Variants in ZBTB20 observed in about 807,000 individuals in gnomAD.
ZBTB20 encodes zinc finger and BTB domain-containing protein 20.
Under a neutral mutation model 56.9 loss-of-function variants are expected in ZBTB20, and 9 were observed. That is an observed-to-expected ratio of 0.16 (90% CI 0.10 to 0.28). The LOEUF (loss-of-function observed/expected upper bound fraction) is 0.28. Among genes scored for constraint, ZBTB20 ranks in the 10% least tolerant of loss-of-function variants. ZBTB20 has a pLI of 1.00. For missense variants in ZBTB20, 655 were observed against 1,003.0 expected, an observed-to-expected ratio of 0.65 and a Z score of 4.69; for synonymous variants, 417 against 420.7, an observed-to-expected ratio of 0.99 and a Z score of 0.11.
intron 3 of ZBTB20, among the ~76,000 whole-genome samples, chr3:114,908,796 T>C (rs1349706982): frequency 1.3e-5 from 2 of 152,016 alleles, no homozygotes; most frequent in African/African-American, 4.8e-5. Flanking sequence ...AAATTGTCAT[T>C]AAAATTAATA....
chr3:114,835,232 C>G (rs903409123), intron 4 of ZBTB20, among the ~76,000 whole-genome samples: 4 of 152,068 alleles, frequency 2.6e-5, no homozygotes, highest in African/African-American at 9.7e-5. Flanking sequence ...GTTCTTTTTC[C>G]CTCAAAATAA....
intron 2 of ZBTB20, among the ~76,000 whole-genome samples, chr3:115,032,957 C>CAAAAAAAAA (rs2080756270): frequency 1.8e-5 from 1 of 54,478 alleles, no homozygotes; most frequent in Non-Finnish European, 3.6e-5. Context: ...ACCTAAGGAA[C>CAAAAAAAAA]TAAAAAAAAA....
At chr3:114,904,797 T>C (rs1236619027) in intron 3 of ZBTB20, among the ~76,000 whole-genome samples, 1 of 151,904 alleles carries the variant, frequency 6.6e-6, no homozygotes, top group African/African-American at 2.4e-5. Flanking sequence ...CAGTTATCTA[T>C]TAATCAACAC....
intron 2 of ZBTB20, among the ~76,000 whole-genome samples, chr3:115,020,512 C>T (rs955485794): frequency 2.6e-5 from 4 of 151,114 alleles, no homozygotes; most frequent in African/African-American, 9.7e-5. Context: ...ATGGCAGCTA[C>T]AGTTTTTAAC....
At chr3:115,084,729 A>G (rs1330333919) in intron 1 of ZBTB20, among the ~76,000 whole-genome samples, 1 of 151,992 alleles carries the variant, frequency 6.6e-6, no homozygotes, top group Admixed American at 6.6e-5. Context: ...TGCTGCAGAA[A>G]GCGTCCCAAG....
At chr3:115,030,084 C>T (rs765104659) in intron 2 of ZBTB20, among the ~76,000 whole-genome samples, 17 of 150,916 alleles carry the variant, frequency 1.1e-4, no homozygotes, top group East Asian at 3.9e-4. Context: ...TAGTGTTAAA[C>T]GGAGAAATTG....
At chr3:114,363,914 G>A (rs1202234724) in intron 10 of ZBTB20, among the ~76,000 whole-genome samples, 1 of 152,084 alleles carries the variant, frequency 6.6e-6, no homozygotes, top group Non-Finnish European at 1.5e-5. Flanking sequence ...TATATACATC[G>A]CTGATGAGGT....
chr3:114,894,602 T>C (rs2074792054), intron 4 of ZBTB20, among the ~76,000 whole-genome samples: 1 of 152,126 alleles, frequency 6.6e-6, no homozygotes, highest in Admixed American at 6.5e-5. Context: ...GATGTCCTTA[T>C]AAAAGCAGAG....
chr3:114,771,458 C>T (rs961918332), intron 5 of ZBTB20, among the ~76,000 whole-genome samples: 2 of 152,106 alleles, frequency 1.3e-5, no homozygotes, highest in East Asian at 3.8e-4. Flanking sequence ...TTGTCCTTAT[C>T]TTTCCTGTTT....
At chr3:115,029,669 T>C (rs892257885) in intron 2 of ZBTB20, among the ~76,000 whole-genome samples, 5 of 150,828 alleles carry the variant, frequency 3.3e-5, no homozygotes, top group Non-Finnish European at 7.4e-5. Context: ...TTGATGGTGC[T>C]GAGACAACTG....
chr3:114,698,756 C>T (rs1433872498), intron 5 of ZBTB20, among the ~76,000 whole-genome samples: 1 of 152,176 alleles, frequency 6.6e-6, no homozygotes, highest in African/African-American at 2.4e-5. Context: ...CAGTTGTCTT[C>T]TCTTTTCAGC....
chr3:114,687,864 G>C (rs894110342), intron 6 of ZBTB20: 2 of 152,094 alleles, frequency 1.3e-5, no homozygotes, highest in Non-Finnish European at 2.9e-5. Flanking sequence ...GATCTCCAAA[G>C]TTCTTAAAAG....
chr3:114,477,971 C>CTG (rs1403628525), intron 7 of ZBTB20, among the ~76,000 whole-genome samples: 10 of 127,578 alleles, frequency 7.8e-5, no homozygotes, highest in African/African-American at 2.8e-4. Flanking sequence ...CCCTCTCTCT[C>CTG]TCTCTCTCTC....
chr3:114,865,366 T>C (rs2075723227), intron 4 of ZBTB20, among the ~76,000 whole-genome samples: 1 of 152,162 alleles, frequency 6.6e-6, no homozygotes, highest in Non-Finnish European at 1.5e-5. Context: ...CCACATACAG[T>C]ATTCTGAAAT....
In ZBTB20 at chr3:114,316,913, A is replaced by T. The variant is rs1386695478; in HGVS notation, c.*22092T>A. The T allele has an allele frequency of 4.9e-6, 1 of 205,228 alleles. No individual in the cohort carries two copies. Among genetic ancestry groups the T allele is most frequent in the Non-Finnish European group, 1.0e-5 (1 of 99,960 alleles). 12.7% of individuals were successfully genotyped at this position (205,228 alleles called of 1,614,324 possible). Reference sequence around the variant, plus strand: ...AGAAGGTAGAGATAGAAAAGGAAGAAGGAAGGAAAGCTCAGATGAGGAAGA... The same window carrying T: ...AGAAGGTAGAGATAGAAAAGGAAGATGGAAGGAAAGCTCAGATGAGGAAGA... On this transcript the variant is annotated 3_prime_UTR_variant, in exon 12 of 12. Transcript: ENST00000675478.
intron 4 of ZBTB20, among the ~76,000 whole-genome samples, chr3:114,870,117 T>A (rs1463309374): frequency 6.6e-6 from 1 of 152,090 alleles, no homozygotes; most frequent in Non-Finnish European, 1.5e-5. Flanking sequence ...GAACTTTAAT[T>A]CCTGAATAAC....
At chr3:114,743,038 G>A (rs900076702) in intron 5 of ZBTB20, among the ~76,000 whole-genome samples, 3 of 151,950 alleles carry the variant, frequency 2.0e-5, no homozygotes, top group Non-Finnish European at 4.4e-5. Flanking sequence ...ATGATTTTTG[G>A]AGAAGTAATA....
At position 115,079,324 on chromosome 3, in the gene ZBTB20, G is replaced by T. The variant is rs186647657; in HGVS notation, c.-702-7910C>A. Among the ~76,000 whole-genome samples, 4 of 152,200 alleles carry T rather than the reference G, an allele frequency of 2.6e-5. No individual in the cohort carries two copies. The East Asian group carries it at 5.8e-4, about 22-fold the overall frequency. On this transcript the variant is annotated intron_variant, in intron 1 of 11. Coordinates refer to ENST00000675478, the MANE Select transcript of ZBTB20 (RefSeq NM_001348800.3). ...AAACAGAAGTAATGGAAATATGTGC[G>T]CATAGCTACAAAATATCATAATCTC...
intron 3 of ZBTB20, among the ~76,000 whole-genome samples, chr3:114,973,810 G>A (rs1216826243): frequency 6.6e-6 from 1 of 152,038 alleles, no homozygotes. Flanking sequence ...TTCAATCCCT[G>A]TGAGCTCTTT....
Sources: gnomAD v4.1 joint callset for allele counts (sites outside exome capture counted in the v4.1 genomes callset) on GRCh38, gnomAD v4.1.1 for gene constraint, MANE v1.5 for transcripts, NCBI Gene and HGNC (gene_info 2026-07-23, HGNC 2026-07-21) for gene names.